ZNF140: variants seen among roughly 807,000 people sequenced by gnomAD.
ZNF140 encodes the protein zinc finger protein 140, also known as zinc finger protein 140 (clone pHZ-39).
In ZNF140, 13 loss-of-function variants were observed where a neutral mutation model predicts 12.9. The ratio of observed to expected loss-of-function variants is 1.01; its 90% CI spans 0.66 to 1.60. The LOEUF is 1.60. Ranked by LOEUF, ZNF140 falls within the 40% of genes most tolerant of loss-of-function variation. The pLI is 0.00. For missense variants in ZNF140, 531 were observed against 548.8 expected, an observed-to-expected ratio of 0.97 and a Z score of 0.32; for synonymous variants, 214 against 186.7, an observed-to-expected ratio of 1.15 and a Z score of -1.19.
intron 4 of ZNF140, among the ~76,000 whole-genome samples, chr12:133,098,205 T>G (rs1955210594): frequency 6.6e-6 from 1 of 152,194 alleles, no homozygotes; most frequent in Non-Finnish European, 1.5e-5. Context: ...TTGATTATAC[T>G]TCTTTTTCTC....
At chr12:133,089,158 A>G (rs927935800) in intron 4 of ZNF140, among the ~76,000 whole-genome samples, 1 of 152,072 alleles carries the variant, frequency 6.6e-6, no homozygotes, top group Non-Finnish European at 1.5e-5. Flanking sequence ...AATGTTTGGT[A>G]GAATTTACCA....
At position 133,086,043 on chromosome 12, in the gene ZNF140, C is replaced by A. The variant is rs373974634; in HGVS notation, c.232+2482C>A. Among the ~76,000 whole-genome samples, 5 of 152,140 alleles carry A rather than the reference C, an allele frequency of 3.3e-5. No individual in the cohort carries two copies. The East Asian group carries it at 7.7e-4, about 23-fold the overall frequency. ...TTTTAAAAGTTAAAAGAATTTTTAA[C>A]GTAATTGCTCTAATAGTTTTTTTCA... On this transcript the variant is annotated intron_variant, in intron 4 of 4. Coordinates refer to ENST00000355557, the MANE Select transcript of ZNF140 (RefSeq NM_003440.4).
chr12:133,089,538 A>G (rs1954787275), intron 4 of ZNF140, among the ~76,000 whole-genome samples: 1 of 152,130 alleles, frequency 6.6e-6, no homozygotes, highest in Non-Finnish European at 1.5e-5. Context: ...TGCTAGATAC[A>G]GGCCTATTCA....
Position 133,106,717 on chromosome 12 carries a change from T to A in ZNF140, c.*66T>A. ...TTAAAAAGAAGTATAATGCCTTACTTCAGAGAACTCTTGGAAAGAAGCCTT... is the reference window on the plus strand; with the variant it reads ...TTAAAAAGAAGTATAATGCCTTACTACAGAGAACTCTTGGAAAGAAGCCTT... On this transcript the variant is annotated 3_prime_UTR_variant, in exon 5 of 5. Coordinates refer to ENST00000355557, the MANE Select transcript of ZNF140 (RefSeq NM_003440.4). The A allele has an allele frequency of 7.2e-7, 1 of 1,382,412 alleles. No individual in the cohort carries two copies. The highest frequency in any genetic ancestry group is 9.7e-7 in the Non-Finnish European group (1 of 1,030,534). 85.6% of individuals were successfully genotyped at this position (1,382,412 alleles called of 1,614,324 possible).
At chr12:133,100,055 A>G (rs1593793655) in intron 4 of ZNF140, among the ~76,000 whole-genome samples, 3 of 151,218 alleles carry the variant, frequency 2.0e-5, no homozygotes, top group South Asian at 4.2e-4. Flanking sequence ...ATTTTCCACA[A>G]CCTCCGATGG....
At chr12:133,084,321 T>C in intron 4 of ZNF140, 1 of 315,694 alleles carries the variant, frequency 3.2e-6, no homozygotes, top group Non-Finnish European at 6.0e-6. Context: ...GATTAATTGA[T>C]ATTTATTTAT....
At chr12:133,086,790 C>A (rs1411968213) in intron 4 of ZNF140, among the ~76,000 whole-genome samples, 1 of 152,116 alleles carries the variant, frequency 6.6e-6, no homozygotes, top group Non-Finnish European at 1.5e-5. Context: ...ATTCACATTT[C>A]GATCCATCGT....
At chr12:133,096,963 A>G (rs1326981415) in intron 4 of ZNF140, among the ~76,000 whole-genome samples, 3 of 152,226 alleles carry the variant, frequency 2.0e-5, no homozygotes, top group Admixed American at 6.5e-5. Context: ...GAAGTCCCCA[A>G]GTGTAATAGT....
chr12:133,091,058 C>T (rs1193807587), intron 4 of ZNF140, among the ~76,000 whole-genome samples: 13 of 149,090 alleles, frequency 8.7e-5, no homozygotes, highest in African/African-American at 3.0e-4. Flanking sequence ...CTTCCTCTAT[C>T]TCAACTGCAA....
At position 133,083,068 on chromosome 12, in the gene ZNF140, G is replaced by C. The variant is rs890280235; in HGVS notation, c.10-35G>C. On this transcript the variant is annotated intron_variant, in intron 2 of 4. Coordinates refer to ENST00000355557, the MANE Select transcript of ZNF140 (RefSeq NM_003440.4). ...TTGATGAGGGAGTTTGGGGGCATGC[G>C]TGCTGGTCATGCAAATATCTGTCCG... 17 of 1,613,784 alleles carry C rather than the reference G, an allele frequency of 1.1e-5. No homozygotes were observed. In the Admixed American group the frequency reaches 1.7e-4, roughly 16 times the overall value.
At chr12:133,083,644 A>T in intron 4 of ZNF140, 83 bp downstream of exon 4, 4 of 1,352,750 alleles carry the variant, frequency 3.0e-6, no homozygotes, top group Non-Finnish European at 4.1e-6. Context: ...TAATATGTTG[A>T]TTGGAAAATT....
At chr12:133,087,409 G>T (rs1339964708) in intron 4 of ZNF140, among the ~76,000 whole-genome samples, 17 of 151,884 alleles carry the variant, frequency 1.1e-4, no homozygotes, top group African/African-American at 4.1e-4. Flanking sequence ...AGGCAATTGA[G>T]TATCATAGTC....
chr12:133,089,224 T>C (rs1954774997), intron 4 of ZNF140, among the ~76,000 whole-genome samples: 2 of 152,094 alleles, frequency 1.3e-5, no homozygotes. Context: ...TGATTTTTTT[T>C]TTTTTCGAGG....
In ZNF140 at chr12:133,089,492, G is replaced by A. The variant is rs202189593; in HGVS notation, c.232+5931G>A. Among the ~76,000 whole-genome samples, 25 of 152,282 alleles carry A rather than the reference G, an allele frequency of 1.6e-4. 1 individual carries two copies. The East Asian group carries it at 2.7e-3, about 17-fold the overall frequency. The stretch of plus-strand genomic sequence containing the variant: ...GCCTCCCAAAGTGCTAGGATTGTAA[G>A]TGTGAGCCACCACACGCAGCCTCAT... On this transcript the variant is annotated intron_variant, in intron 4 of 4. Transcript: ENST00000355557.
chr12:133,080,541 G>A (rs909824554), upstream of ZNF140: 1 of 152,352 alleles, frequency 6.6e-6, no homozygotes, highest in Non-Finnish European at 1.5e-5. Context: ...GGCAGTTATA[G>A]GAACACAAAG....
intron 4 of ZNF140, among the ~76,000 whole-genome samples, chr12:133,086,514 T>A: frequency 6.6e-6 from 1 of 152,230 alleles, no homozygotes; most frequent in East Asian, 1.9e-4. Flanking sequence ...TTGGATTCTT[T>A]TATTGATTTG....
Position 133,105,829 on chromosome 12 carries a change from T to C in ZNF140, c.552T>C (p.Thr184=). ...TGGTGTTACACCAGAGGACTCATACTGGAGAGAAACCATATGCATGTAAGG... is the reference window on the plus strand; with the variant it reads ...TGGTGTTACACCAGAGGACTCATACCGGAGAGAAACCATATGCATGTAAGG... ...FSLVLHQRTH[T]GEKPYACKEC... The change falls in exon 5 of 5, where the codon ACT becomes ACC. Residue 184 remains threonine, a synonymous_variant. Coordinates refer to ENST00000355557, the MANE Select transcript of ZNF140 (RefSeq NM_003440.4). 1.2e-6 allele frequency: 2 copies of C among 1,614,222 alleles called. No homozygotes were observed. Among genetic ancestry groups the C allele is most frequent in the South Asian group, 1.1e-5 (1 of 91,078 alleles).
intron 4 of ZNF140, among the ~76,000 whole-genome samples, chr12:133,088,545 A>G (rs1333434368): frequency 2.0e-5 from 3 of 152,220 alleles, no homozygotes; most frequent in Non-Finnish European, 2.9e-5. Flanking sequence ...AAGTTTTGAC[A>G]ATTTTGAATA....
intron 1 of ZNF140, 84 bp from the exon 2 acceptor site, chr12:133,081,189 C>A (rs887799512): frequency 1.4e-5 from 7 of 503,700 alleles, no homozygotes; most frequent in East Asian, 9.4e-5. Flanking sequence ...GCGGGGGCCA[C>A]GGGAATCCCC....
Sources: allele counts gnomAD v4.1 joint callset (sites outside exome capture counted in the v4.1 genomes callset), GRCh38; gene constraint gnomAD v4.1.1; transcripts MANE v1.5; gene names NCBI Gene and HGNC (gene_info 2026-07-23, HGNC 2026-07-21).